The following FBXL17 variants were observed in gnomAD, a reference collection of about 807,000 sequenced individuals.
FBXL17 encodes F-box and leucine rich repeat protein 17, also known as F-box/LRR-repeat protein 17.
Under a neutral mutation model 66.2 loss-of-function variants are expected in FBXL17, and 22 were observed. The ratio of observed to expected loss-of-function variants is 0.33; its 90% CI spans 0.24 to 0.47. The LOEUF is 0.47. Ranked by LOEUF, FBXL17 falls within the 20% of genes least tolerant of loss-of-function variation. The pLI, the probability that FBXL17 is intolerant of heterozygous loss-of-function variation, is 1.00. For missense variants in FBXL17, 878 were observed against 948.2 expected, an observed-to-expected ratio of 0.93 and a Z score of 0.97; for synonymous variants, 474 against 400.5, an observed-to-expected ratio of 1.18 and a Z score of -2.19.
chr5:108,123,920 G>T lies in FBXL17; in HGVS notation c.1745+62197C>A, dbSNP rs564055131. 2.6e-5 allele frequency among the ~76,000 whole-genome samples: 4 copies of T among 152,218 alleles called. No homozygotes were observed. The South Asian group carries it at 8.3e-4, about 32-fold the overall frequency. On this transcript the variant is annotated intron_variant, in intron 6 of 8. Transcript: ENST00000542267. ...ATTCCCACGGAACCTACGGCTGAGA[G>T]TTCTTCTCTTGATCCCAACTAAAGA...
At chr5:108,354,513 A>G (rs1013247109) in intron 3 of FBXL17, among the ~76,000 whole-genome samples, 8 of 152,226 alleles carry the variant, frequency 5.3e-5, no homozygotes, top group Non-Finnish European at 7.4e-5. Flanking sequence ...AAGGTATAAC[A>G]TAAGTGAAAA....
chr5:107,983,360 T>G (rs1752896254), intron 7 of FBXL17, among the ~76,000 whole-genome samples: 1 of 150,488 alleles, frequency 6.6e-6, no homozygotes, highest in Admixed American at 6.6e-5. Flanking sequence ...CCCAGCTAAT[T>G]TTTTTTTTTT....
chr5:108,036,155 T>C (rs1271930563), intron 6 of FBXL17, among the ~76,000 whole-genome samples: 1 of 152,190 alleles, frequency 6.6e-6, no homozygotes, highest in Non-Finnish European at 1.5e-5. Context: ...TTTTTGTTGC[T>C]GTTCAAATGT....
intron 7 of FBXL17, among the ~76,000 whole-genome samples, chr5:107,978,983 T>C (rs1296976072): frequency 2.6e-5 from 4 of 152,230 alleles, no homozygotes; most frequent in African/African-American, 7.2e-5. Context: ...TTCTGGGTTT[T>C]ACCAGATGTG....
At chr5:108,219,458 G>A (rs1412011014) in intron 5 of FBXL17, among the ~76,000 whole-genome samples, 1 of 152,110 alleles carries the variant, frequency 6.6e-6, no homozygotes. Flanking sequence ...GGCTGACATG[G>A]GTGGATCACC....
At chr5:108,254,717 A>G (rs1756500188) in intron 4 of FBXL17, among the ~76,000 whole-genome samples, 2 of 152,222 alleles carry the variant, frequency 1.3e-5, no homozygotes, top group South Asian at 2.1e-4. Flanking sequence ...TCACACAAAT[A>G]TATATTTTCC....
In FBXL17 at chr5:107,859,790, T is replaced by C. The variant is rs915762346; in HGVS notation, c.*1930A>G. The C allele has an allele frequency of 6.6e-6, 1 of 152,116 alleles. No individual in the cohort carries two copies. The highest frequency in any genetic ancestry group is 1.5e-5 in the Non-Finnish European group (1 of 68,008). The allele number at this position is 152,116 out of a possible 1,614,324, so 9.4% of individuals were successfully genotyped here. ...TATGACATATATAAAAATTAAACTTTTGCATATTCACTCAAGCTACTATTA... is the reference window on the plus strand; with the variant it reads ...TATGACATATATAAAAATTAAACTTCTGCATATTCACTCAAGCTACTATTA... On this transcript the variant is annotated 3_prime_UTR_variant, in exon 9 of 9. Transcript: ENST00000542267.
At chr5:108,369,487 CAG>C (rs1472989353) in intron 1 of FBXL17, among the ~76,000 whole-genome samples, 8 of 152,116 alleles carry the variant, frequency 5.3e-5, no homozygotes, top group African/African-American at 1.2e-4. Context: ...AAATATTTTA[CAG>C]AGTTTGACTG....
intron 6 of FBXL17, among the ~76,000 whole-genome samples, chr5:108,040,145 G>C (rs1746991593): frequency 6.6e-6 from 1 of 152,004 alleles, no homozygotes; most frequent in African/African-American, 2.4e-5. Flanking sequence ...GGGCATTTTT[G>C]CTGTTTGGGA....
At chr5:108,249,797 A>G (rs1186318678) in intron 4 of FBXL17, among the ~76,000 whole-genome samples, 2 of 152,132 alleles carry the variant, frequency 1.3e-5, no homozygotes, top group African/African-American at 4.8e-5. Context: ...CCTGACCACA[A>G]TTAGATATAT....
At chr5:108,143,723 T>A (rs901339214) in intron 6 of FBXL17, among the ~76,000 whole-genome samples, 7 of 82,038 alleles carry the variant, frequency 8.5e-5, no homozygotes, top group African/African-American at 2.7e-4. Context: ...CTTGTTTTCA[T>A]GGGAAAAAAA....
intron 4 of FBXL17, among the ~76,000 whole-genome samples, chr5:108,266,063 A>G (rs1757033215): frequency 6.6e-6 from 1 of 152,170 alleles, no homozygotes; most frequent in East Asian, 1.9e-4. Flanking sequence ...ATAATATACG[A>G]GTAAGTGTGG....
In FBXL17 at chr5:108,228,248, C is replaced by G. The variant is rs117928663; in HGVS notation, c.1507-4020G>C. ...ATGTTTTAGGAGACTAATAAAAGGG[C>G]CTTGAAGATTTGGGTGGCATCCAGC... On this transcript the variant is annotated intron_variant, in intron 4 of 8. Coordinates refer to ENST00000542267, the MANE Select transcript of FBXL17 (RefSeq NM_001163315.3). 2.4e-4 allele frequency among the ~76,000 whole-genome samples: 36 copies of G among 152,184 alleles called. 2 individuals are homozygous for G. The East Asian group carries it at 6.0e-3, about 25-fold the overall frequency.
At chr5:108,013,611 C>G (rs1324680730) in intron 7 of FBXL17, among the ~76,000 whole-genome samples, 2 of 152,192 alleles carry the variant, frequency 1.3e-5, no homozygotes, top group African/African-American at 4.8e-5. Flanking sequence ...TTTCCGTCTT[C>G]TTTCTCAACA....
At chr5:108,284,627 C>T (rs986291875) in intron 4 of FBXL17, among the ~76,000 whole-genome samples, 1 of 151,604 alleles carries the variant, frequency 6.6e-6, no homozygotes, top group Non-Finnish European at 1.5e-5. Flanking sequence ...TGATGGATAC[C>T]CTTAAAGCCC....
chr5:108,260,651 CAA>C (rs1190894771), intron 4 of FBXL17, among the ~76,000 whole-genome samples: 1 of 152,064 alleles, frequency 6.6e-6, no homozygotes, highest in Non-Finnish European at 1.5e-5. Context: ...GACAACTAAT[CAA>C]GAGATTCTTG....
intron 6 of FBXL17, among the ~76,000 whole-genome samples, chr5:108,142,882 T>C (rs1751405968): frequency 6.6e-6 from 1 of 151,930 alleles, no homozygotes; most frequent in South Asian, 2.1e-4. Flanking sequence ...ATACCTAATG[T>C]AGATGACGGG....
chr5:108,067,565 T>A (rs4957740), intron 6 of FBXL17, among the ~76,000 whole-genome samples: 60,543 of 152,032 alleles, frequency 0.4, 12,246 homozygotes, highest in Admixed American at 0.45. Context: ...GCTTGAGAGA[T>A]GTCCTAGCAC....
At chr5:108,135,364 G>A (rs1266229667) in intron 6 of FBXL17, among the ~76,000 whole-genome samples, 2 of 152,090 alleles carry the variant, frequency 1.3e-5, no homozygotes, top group African/African-American at 4.8e-5. Flanking sequence ...CCCAAGTGCT[G>A]TTTCTGTTCC....
Sources: gnomAD v4.1 joint callset for allele counts (sites outside exome capture counted in the v4.1 genomes callset) on GRCh38, gnomAD v4.1.1 for gene constraint, MANE v1.5 for transcripts, NCBI Gene and HGNC (gene_info 2026-07-23, HGNC 2026-07-21) for gene names.